The following RALYL variants were observed in gnomAD, a reference collection of about 807,000 sequenced individuals.
The protein encoded by RALYL is RNA-binding Raly-like protein.
RALYL carries 29 observed loss-of-function variants against 35.1 expected under a neutral mutation model. That is an observed-to-expected ratio of 0.83 (90% CI 0.61 to 1.13). The LOEUF (loss-of-function observed/expected upper bound fraction) is 1.13. Among genes scored for constraint, RALYL ranks in the 50% most tolerant of loss-of-function variants. The pLI, the probability that RALYL is intolerant of heterozygous loss-of-function variation, is 0.00. For missense variants in RALYL, 359 were observed against 360.4 expected (o/e 1.00, Z 0.03); for synonymous variants, 120 against 127.6 (o/e 0.94, Z 0.40).
chr8:84,769,831 T>G (rs760179608), intron 2 of RALYL, among the ~76,000 whole-genome samples: 3 of 152,188 alleles, frequency 2.0e-5, no homozygotes, highest in Admixed American at 6.5e-5. Context: ...TTTTCTTAAA[T>G]TCCTTATTAG....
chr8:84,565,263 T>C (rs1368959973), intron 2 of RALYL, among the ~76,000 whole-genome samples: 1 of 151,588 alleles, frequency 6.6e-6, no homozygotes, highest in Non-Finnish European at 1.5e-5. Context: ...TACCAAACTA[T>C]GTGTTTTCAT....
At chr8:84,750,827 G>A (rs1344880382) in intron 2 of RALYL, among the ~76,000 whole-genome samples, 1 of 152,004 alleles carries the variant, frequency 6.6e-6, no homozygotes, top group African/African-American at 2.4e-5. Context: ...CACCAGATGT[G>A]GCCCCTTGAC....
intron 1 of RALYL, among the ~76,000 whole-genome samples, chr8:84,431,422 G>A (rs143111801): frequency 3.9e-4 from 59 of 152,058 alleles, no homozygotes; most frequent in African/African-American, 1.1e-3. Flanking sequence ...TGAGGGAAAC[G>A]CAAATGAAAC....
intron 2 of RALYL, among the ~76,000 whole-genome samples, chr8:84,596,672 G>A (rs569894012): frequency 2.0e-5 from 3 of 152,194 alleles, no homozygotes; most frequent in East Asian, 1.9e-4. Flanking sequence ...AGTGTCTGTG[G>A]TTTGTCTTCA....
rs1554614840 is a variant in RALYL at position 84,311,090 on chromosome 8, A to AAAAAATAT, written c.-24+126667_-24+126668insAAAATATA. Among the ~76,000 whole-genome samples, 31 of 99,766 alleles carry AAAAAATAT rather than the reference A, an allele frequency of 3.1e-4. 1 individual carries two copies. Among genetic ancestry groups the AAAAAATAT allele is most frequent in the Admixed American group, 4.9e-4 (4 of 8,218 alleles). 65.5% of individuals were successfully genotyped at this position (99,766 alleles called of 152,430 possible). A position where few individuals can be genotyped will look rare whatever the true frequency, so the allele number is the denominator to read the frequency against. ...AAAAAAAAAAAAAAAAAAAAAAAAAAATGTATATTAATGTATAGTATAAAT... is the reference window on the plus strand; with the variant it reads ...AAAAAAAAAAAAAAAAAAAAAAAAAAAAAAATATATGTATATTAATGTATAGTATAAAT... On this transcript the variant is annotated intron_variant, in intron 1 of 8. Transcript: ENST00000521268.
chr8:84,433,148 G>C (rs2047323099), intron 1 of RALYL, among the ~76,000 whole-genome samples: 1 of 152,056 alleles, frequency 6.6e-6, no homozygotes, highest in Admixed American at 6.6e-5. Flanking sequence ...TGTGTAATTT[G>C]CTAAAGTTAA....
chr8:84,330,879 A>C (rs1846678790), intron 1 of RALYL, among the ~76,000 whole-genome samples: 1 of 152,076 alleles, frequency 6.6e-6, no homozygotes. Flanking sequence ...TATTTGAAGA[A>C]TTTCATGAAC....
chr8:84,696,780 A>T (rs1052383601), intron 2 of RALYL, among the ~76,000 whole-genome samples: 27 of 152,010 alleles, frequency 1.8e-4, no homozygotes, highest in African/African-American at 3.9e-4. Flanking sequence ...TTTCATTTAC[A>T]TATTTACTGT....
chr8:84,204,018 C>A (rs192269457), intron 1 of RALYL, among the ~76,000 whole-genome samples: 16 of 151,068 alleles, frequency 1.1e-4, no homozygotes, highest in Non-Finnish European at 1.8e-4. Flanking sequence ...TAATGTATAT[C>A]ATATATACTC....
intron 1 of RALYL, among the ~76,000 whole-genome samples, chr8:84,489,156 C>A (rs958576286): frequency 6.6e-6 from 1 of 151,968 alleles, no homozygotes; most frequent in Admixed American, 6.6e-5. Context: ...AGGAATGTTT[C>A]ATCTCTATCT....
intron 1 of RALYL, among the ~76,000 whole-genome samples, chr8:84,337,189 G>T (rs1429190688): frequency 6.6e-6 from 1 of 151,556 alleles, no homozygotes; most frequent in Non-Finnish European, 1.5e-5. Flanking sequence ...ACAAGTGTTT[G>T]GTGCATATTT....
At chr8:84,566,773 C>T (rs901413013) in intron 2 of RALYL, among the ~76,000 whole-genome samples, 1 of 151,612 alleles carries the variant, frequency 6.6e-6, no homozygotes, top group African/African-American at 2.4e-5. Flanking sequence ...AACAATGGAC[C>T]TCTAGTTTTT....
At chr8:84,376,126 G>T (rs1253680108) in intron 1 of RALYL, among the ~76,000 whole-genome samples, 1 of 151,808 alleles carries the variant, frequency 6.6e-6, no homozygotes, top group Non-Finnish European at 1.5e-5. Context: ...TAAAATCTAA[G>T]TCATTGTAAG....
intron 8 of RALYL, among the ~76,000 whole-genome samples, chr8:84,892,209 T>A (rs1843973776): frequency 6.6e-6 from 1 of 152,180 alleles, no homozygotes; most frequent in Non-Finnish European, 1.5e-5. Context: ...GTGCACCAGG[T>A]GCTACCAAAA....
rs543714861 is a variant in RALYL at position 84,920,875 on chromosome 8, T to A, written c.859-19T>A. On this transcript the variant is annotated intron_variant, in intron 8 of 8. Coordinates refer to ENST00000521268, the MANE Select transcript of RALYL (RefSeq NM_173848.7). ...AAACACAAATCTCTGTATTTTAAAA[T>A]TTTTTTTTATTTTCTCAGTTTCTAC... 2.2e-5 allele frequency: 27 copies of A among 1,215,446 alleles called. 1 individual carries two copies. Among genetic ancestry groups the A allele is most frequent in the East Asian group, 1.4e-4 (5 of 34,770 alleles). The allele number at this position is 1,215,446 out of a possible 1,614,324, so 75.3% of individuals were successfully genotyped here.
At chr8:84,424,515 G>A (rs2046098127) in intron 1 of RALYL, among the ~76,000 whole-genome samples, 1 of 150,144 alleles carries the variant, frequency 6.7e-6, no homozygotes, top group Middle Eastern at 3.4e-3. Context: ...ATAGCTCAGA[G>A]TAATTCGATC....
intron 2 of RALYL, among the ~76,000 whole-genome samples, chr8:84,671,792 G>A (rs528833209): frequency 2.0e-5 from 3 of 152,194 alleles, no homozygotes; most frequent in African/African-American, 7.2e-5. Flanking sequence ...GCCTGTGATG[G>A]GAGGGGCTGC....
At position 84,873,350 on chromosome 8, in the gene RALYL, T is replaced by C; in HGVS notation, c.638T>C (p.Leu213Ser). ...LTQIKTKIDS[L>S]LGRLEKIEKQ... ...CAGATCAAAACTAAAATTGACTCCT[T>C]GCTAGGGCGCCTGGAGAAGATTGAG... Residue 213 changes from leucine to serine, a missense_variant, in exon 7 of 9, where the codon TTG (leucine) becomes TCG (serine). By Grantham distance (145) the Leu-to-Ser change is moderately radical (BLOSUM62 -2). Transcript: ENST00000521268. 1 of 1,602,524 alleles carries C rather than the reference T, an allele frequency of 6.2e-7. No homozygotes were observed. Among genetic ancestry groups the C allele is most frequent in the Non-Finnish European group, 8.5e-7 (1 of 1,174,412 alleles).
In RALYL at chr8:84,227,056, C is replaced by CTTTTTTT. The variant is rs1158995864; in HGVS notation, c.-24+42648_-24+42654dup. 2.2e-3 allele frequency among the ~76,000 whole-genome samples: 179 copies of CTTTTTTT among 81,890 alleles called. 11 individuals are homozygous for CTTTTTTT. The highest frequency in any genetic ancestry group is 2.8e-3 in the Non-Finnish European group (132 of 46,362). The allele number at this position is 81,890 out of a possible 152,430, so 53.7% of individuals were successfully genotyped here. ...TAGGCTTCCAGAAAAAATTGTATTT[C>CTTTTTTT]TTTTTTTTTTTTTTTTTTTTTTGAG... On this transcript the variant is annotated intron_variant, in intron 1 of 8. Coordinates refer to ENST00000521268, the MANE Select transcript of RALYL (RefSeq NM_173848.7).
Sources: allele counts gnomAD v4.1 joint callset (sites outside exome capture counted in the v4.1 genomes callset), GRCh38; gene constraint gnomAD v4.1.1; transcripts MANE v1.5; gene names NCBI Gene and HGNC (gene_info 2026-07-23, HGNC 2026-07-21).